The following GRID2 variants were observed in gnomAD, a reference collection of about 807,000 sequenced individuals.
GRID2 encodes the protein glutamate receptor ionotropic, delta-2.
A neutral mutation model predicts 114.8 loss-of-function variants in GRID2; 33 were observed. The ratio of observed to expected loss-of-function variants is 0.29; its 90% CI spans 0.22 to 0.38. The LOEUF (loss-of-function observed/expected upper bound fraction) is 0.38, where lower values mean the gene tolerates loss of function less well. GRID2 is among the 10% of genes least tolerant of loss of function. The pLI, the probability that GRID2 is intolerant of heterozygous loss-of-function variation, is 1.00. For synonymous variants in GRID2, 505 were observed against 449.9 expected, an observed-to-expected ratio of 1.12 and a Z score of -1.55; for missense variants, 1,184 against 1,257.7, an observed-to-expected ratio of 0.94 and a Z score of 0.89.
At chr4:92,565,051 G>A (rs1727272935) in intron 1 of GRID2, among the ~76,000 whole-genome samples, 1 of 151,910 alleles carries the variant, frequency 6.6e-6, no homozygotes, top group African/African-American at 2.4e-5. Context: ...ATGTGGGAAT[G>A]GTTTTGACAA....
At chr4:93,307,662 G>A (rs1202437001) in intron 8 of GRID2, among the ~76,000 whole-genome samples, 1 of 151,912 alleles carries the variant, frequency 6.6e-6, no homozygotes, top group Non-Finnish European at 1.5e-5. Context: ...CTCTCAAAAG[G>A]AACATAGTTT....
intron 1 of GRID2, among the ~76,000 whole-genome samples, chr4:93,793,790 G>A (rs78997400): frequency 0.012 from 1,878 of 152,210 alleles, 16 homozygotes; most frequent in Non-Finnish European, 0.021. Flanking sequence ...CACCAAGGAC[G>A]TATGCAAACA....
chr4:93,564,036 A>G (rs1027931066), intron 13 of GRID2, among the ~76,000 whole-genome samples: 1 of 152,002 alleles, frequency 6.6e-6, no homozygotes, highest in African/African-American at 2.4e-5. Flanking sequence ...AAAATAAATT[A>G]TATGTAAAAT....
At chr4:93,256,068 A>G (rs1749548811) in intron 8 of GRID2, among the ~76,000 whole-genome samples, 1 of 152,206 alleles carries the variant, frequency 6.6e-6, no homozygotes, top group East Asian at 1.9e-4. Context: ...CTGAAATACA[A>G]AATAATTTTT....
At chr4:92,518,659 A>G (rs1243762054) in intron 1 of GRID2, among the ~76,000 whole-genome samples, 2 of 151,736 alleles carry the variant, frequency 1.3e-5, no homozygotes, top group Non-Finnish European at 2.9e-5. Context: ...AAACTATTGA[A>G]CTGTACATTT....
chr4:93,128,476 TATG>T (rs1308439257), intron 4 of GRID2, among the ~76,000 whole-genome samples: 1 of 152,210 alleles, frequency 6.6e-6, no homozygotes, highest in East Asian at 1.9e-4. Context: ...TAATTATTGA[TATG>T]ATAAGATCAC....
chr4:93,480,847 A>C (rs528774896), intron 11 of GRID2, among the ~76,000 whole-genome samples: 1 of 152,096 alleles, frequency 6.6e-6, no homozygotes, highest in South Asian at 2.1e-4. Flanking sequence ...TTCTCATGTA[A>C]GAGAGGTGAC....
At chr4:92,371,054 A>G (rs1398974158) in intron 1 of GRID2, among the ~76,000 whole-genome samples, 2 of 152,182 alleles carry the variant, frequency 1.3e-5, no homozygotes, top group East Asian at 3.9e-4. Context: ...TTTAATCCAA[A>G]TAAAAGACCT....
chr4:93,407,487 G>A (rs1278225418), intron 9 of GRID2, among the ~76,000 whole-genome samples: 1 of 152,058 alleles, frequency 6.6e-6, no homozygotes, highest in East Asian at 1.9e-4. Flanking sequence ...GTTTTAAGGT[G>A]TTATTTTCAC....
chr4:93,320,855 A>G (rs1482337682), intron 8 of GRID2, among the ~76,000 whole-genome samples: 1 of 152,128 alleles, frequency 6.6e-6, no homozygotes, highest in Admixed American at 6.6e-5. Flanking sequence ...AAATGTATAT[A>G]TCTGTGATAT....
chr4:93,216,891 C>A lies in GRID2; in HGVS notation c.943C>A (p.Pro315Thr), dbSNP rs1469159581. ...ISSTLCDPKD[P>T]FAQNMEISNL... ...TTCAACATTGTGTGATCCAAAGGAT[C>A]CATTTGCTCAGAATATGGAGGTATA... Residue 315 changes from proline to threonine, a missense_variant, in exon 6 of 16, where the codon CCA (proline) becomes ACA (threonine). By Grantham distance (38) the Pro-to-Thr change is conservative (BLOSUM62 -1). Coordinates refer to ENST00000282020, the MANE Select transcript of GRID2 (RefSeq NM_001510.4). The A allele has an allele frequency of 6.2e-7, 1 of 1,612,164 alleles. No individual in the cohort carries two copies. Among genetic ancestry groups the A allele is most frequent in the Admixed American group, 1.7e-5 (1 of 59,978 alleles).
intron 8 of GRID2, among the ~76,000 whole-genome samples, chr4:93,247,152 T>C (rs1748307106): frequency 6.6e-6 from 1 of 152,096 alleles, no homozygotes; most frequent in African/African-American, 2.4e-5. Context: ...TGGGGTACAA[T>C]TCTGTGTCCA....
intron 4 of GRID2, among the ~76,000 whole-genome samples, chr4:93,154,578 CAGTA>C (rs754835095): frequency 6.6e-6 from 1 of 151,882 alleles, no homozygotes; most frequent in Non-Finnish European, 1.5e-5. Flanking sequence ...GTGCAATGTA[CAGTA>C]AGTAAGACAT....
rs1560637716 is a variant in GRID2 at position 93,455,895 on chromosome 4, A to G, written c.1779A>G (p.Pro593=). The G allele has an allele frequency of 1.2e-6, 2 of 1,611,232 alleles. No homozygotes were observed. The highest frequency in any genetic ancestry group is 1.7e-6 in the Non-Finnish European group (2 of 1,177,406). The change falls in exon 11 of 16, where the codon CCA becomes CCG. Residue 593 remains proline (P), a synonymous_variant. Coordinates refer to ENST00000282020, the MANE Select transcript of GRID2 (RefSeq NM_001510.4). ...LVYLLNWLNP[P]RLQMGSMTST... is the part of the protein sequence containing the mutation. ...ACCTCTTGAACTGGCTTAATCCCCCACGATTACAAATGGGATCAATGACGT... is the reference window on the plus strand; with the variant it reads ...ACCTCTTGAACTGGCTTAATCCCCCGCGATTACAAATGGGATCAATGACGT...
chr4:93,325,961 T>A (rs577480893), intron 8 of GRID2, among the ~76,000 whole-genome samples: 1 of 152,270 alleles, frequency 6.6e-6, no homozygotes, highest in South Asian at 2.1e-4. Flanking sequence ...ACTCCTTTTC[T>A]TCACTGGAGG....
rs141558000 is a variant in GRID2, at chr4:93,398,298, G to A, written c.1347+2590G>A. Among the ~76,000 whole-genome samples, 37 of 151,164 alleles carry A rather than the reference G, an allele frequency of 2.4e-4. No homozygotes were observed. In the East Asian group the frequency reaches 7.0e-3, roughly 28 times the overall value. ...TAACATGCAAGGAGCGATTCTACGT[G>A]TGGTAACTGCTCTGGTAAGTATTAC... On this transcript the variant is annotated intron_variant, in intron 9 of 15. Coordinates refer to ENST00000282020, the MANE Select transcript of GRID2 (RefSeq NM_001510.4).
At chr4:93,805,287 A>G (rs958713945) in intron 1 of GRID2, among the ~76,000 whole-genome samples, 4 of 152,210 alleles carry the variant, frequency 2.6e-5, no homozygotes, top group Middle Eastern at 3.2e-3. Flanking sequence ...TTTGTACTGG[A>G]CTTCTCAAAA....
intron 1 of GRID2, among the ~76,000 whole-genome samples, chr4:92,399,376 C>T (rs1339802373): frequency 6.6e-6 from 1 of 152,126 alleles, no homozygotes; most frequent in Non-Finnish European, 1.5e-5. Flanking sequence ...AATTGGAACC[C>T]ATCTATCCCA....
intron 10 of GRID2, among the ~76,000 whole-genome samples, chr4:93,447,673 A>G (rs1722218145): frequency 6.6e-6 from 1 of 152,150 alleles, no homozygotes; most frequent in South Asian, 2.1e-4. Flanking sequence ...TTTGTTTACA[A>G]ACAAATTAAT....
Sources: allele counts gnomAD v4.1 joint callset (sites outside exome capture counted in the v4.1 genomes callset), GRCh38; gene constraint gnomAD v4.1.1; transcripts MANE v1.5; gene names NCBI Gene and HGNC (gene_info 2026-07-23, HGNC 2026-07-21).